The following ACSS3 variants were observed in gnomAD, a reference collection of about 807,000 sequenced individuals.
The protein encoded by ACSS3 is acyl-CoA synthetase short chain family member 3, also known as acyl-CoA synthetase short-chain family member 3, mitochondrial.
ACSS3 carries 64 observed loss-of-function variants against 84.2 expected under a neutral mutation model. That is an observed-to-expected ratio of 0.76 (90% CI 0.62 to 0.94). ACSS3 has a LOEUF of 0.94. Among genes scored for constraint, ACSS3 ranks in the 40% least tolerant of loss-of-function variants. The pLI, the probability that ACSS3 is intolerant of heterozygous loss-of-function variation, is 0.00. For missense variants in ACSS3, 815 were observed against 867.6 expected, an observed-to-expected ratio of 0.94 and a Z score of 0.76; for synonymous variants, 317 against 310.1, an observed-to-expected ratio of 1.02 and a Z score of -0.23.
At chr12:81,126,090 G>A (rs562350382) in intron 2 of ACSS3, among the ~76,000 whole-genome samples, 3 of 152,178 alleles carry the variant, frequency 2.0e-5, no homozygotes, top group Admixed American at 2.0e-4. Flanking sequence ...ACAAGACTCT[G>A]TATCATGTCT....
At chr12:81,154,212 A>G (rs1321718743) in intron 7 of ACSS3, among the ~76,000 whole-genome samples, 1 of 152,250 alleles carries the variant, frequency 6.6e-6, no homozygotes, top group Non-Finnish European at 1.5e-5. Flanking sequence ...GCTTACATAA[A>G]TATGACAAAG....
At chr12:81,241,726 C>G (rs920986073) in intron 13 of ACSS3, among the ~76,000 whole-genome samples, 1 of 151,878 alleles carries the variant, frequency 6.6e-6, no homozygotes, top group African/African-American at 2.4e-5. Flanking sequence ...ATTGTAGATT[C>G]TGGATATTAG....
At chr12:81,168,167 A>G (rs1887491046) in intron 7 of ACSS3, among the ~76,000 whole-genome samples, 1 of 152,202 alleles carries the variant, frequency 6.6e-6, no homozygotes. Context: ...ATAGAAGTGC[A>G]TTAAAAGGGT....
intron 1 of ACSS3, among the ~76,000 whole-genome samples, chr12:81,106,535 C>A (rs373921048): frequency 1.3e-5 from 2 of 152,142 alleles, no homozygotes; most frequent in African/African-American, 4.8e-5. Flanking sequence ...ACCCTTCCCC[C>A]ACCCCAGTTC....
intron 13 of ACSS3, among the ~76,000 whole-genome samples, chr12:81,246,902 T>A (rs1407805422): frequency 6.6e-6 from 1 of 152,178 alleles, no homozygotes; most frequent in Non-Finnish European, 1.5e-5. Context: ...TTTATTTCTA[T>A]AGCAAACGTG....
chr12:81,169,282 A>G (rs1441052319), intron 7 of ACSS3, among the ~76,000 whole-genome samples: 1 of 152,138 alleles, frequency 6.6e-6, no homozygotes, highest in African/African-American at 2.4e-5. Context: ...TTATAAGTAA[A>G]TTTTCAATTA....
chr12:81,220,691 A>G (rs1163653964), intron 11 of ACSS3, among the ~76,000 whole-genome samples: 4 of 152,040 alleles, frequency 2.6e-5, no homozygotes, highest in Non-Finnish European at 5.9e-5. Flanking sequence ...AACATGCAGT[A>G]TTTGATTTTC....
intron 2 of ACSS3, among the ~76,000 whole-genome samples, chr12:81,126,181 C>G (rs913604132): frequency 7.9e-5 from 12 of 152,164 alleles, no homozygotes; most frequent in Non-Finnish European, 1.5e-4. Context: ...ACTAAACTGC[C>G]TTCACTTTTT....
intron 9 of ACSS3, among the ~76,000 whole-genome samples, chr12:81,209,070 G>T (rs897204734): frequency 1.3e-5 from 2 of 151,802 alleles, no homozygotes; most frequent in African/African-American, 4.8e-5. Flanking sequence ...TTTCTCTCTG[G>T]TTCATTTTGG....
At chr12:81,106,475 A>C (rs1181941103) in intron 1 of ACSS3, among the ~76,000 whole-genome samples, 1 of 152,174 alleles carries the variant, frequency 6.6e-6, no homozygotes, top group Non-Finnish European at 1.5e-5. Flanking sequence ...AATAATAATA[A>C]AAATAAAGTG....
intron 1 of ACSS3, among the ~76,000 whole-genome samples, chr12:81,099,956 C>G (rs527836979): frequency 2.0e-5 from 3 of 152,242 alleles, no homozygotes; most frequent in African/African-American, 7.2e-5. Context: ...TATCCACACA[C>G]GTTCACTGAC....
chr12:81,148,778 G>A (rs944329742), intron 5 of ACSS3, among the ~76,000 whole-genome samples: 6 of 151,348 alleles, frequency 4.0e-5, no homozygotes, highest in African/African-American at 1.5e-4. Context: ...AGTACATAGA[G>A]AGGCCAGGCG....
rs966561771 is a variant in ACSS3, at chr12:81,215,937, G to T, written c.1355-964G>T. On this transcript the variant is annotated intron_variant, in intron 9 of 15. Transcript: ENST00000548058. ...ATCATTGCAGGCTAGTTGTGAGAAA[G>T]TTCGTGGTTTTGATGAAATAGTCAG... is the stretch of plus-strand genomic sequence containing the variant. 7.2e-5 allele frequency among the ~76,000 whole-genome samples: 11 copies of T among 152,100 alleles called. 1 individual carries two copies. Among genetic ancestry groups the T allele is most frequent in the Admixed American group, 6.5e-4 (10 of 15,276 alleles).
intron 13 of ACSS3, among the ~76,000 whole-genome samples, chr12:81,242,545 G>A (rs2033842718): frequency 2.0e-5 from 3 of 150,588 alleles, no homozygotes; most frequent in Non-Finnish European, 3.0e-5. Context: ...GCTGGGCAGA[G>A]ACACAACCAA....
chr12:81,247,353 G>C (rs1325508969), intron 13 of ACSS3, among the ~76,000 whole-genome samples: 1 of 152,126 alleles, frequency 6.6e-6, no homozygotes, highest in Admixed American at 6.5e-5. Context: ...AGAATGAAAA[G>C]AGGAGTATCA....
intron 2 of ACSS3, among the ~76,000 whole-genome samples, chr12:81,117,273 C>T (rs117013644): frequency 8.2e-4 from 124 of 152,104 alleles, no homozygotes; most frequent in East Asian, 2.5e-3. Context: ...GTTTCAGTAG[C>T]GCATAAAATA....
chr12:81,080,900 G>T (rs965569520), intron 1 of ACSS3, among the ~76,000 whole-genome samples: 2 of 152,194 alleles, frequency 1.3e-5, no homozygotes, highest in Non-Finnish European at 2.9e-5. Context: ...GCACAATTTG[G>T]TGTGAAGGAG....
intron 8 of ACSS3, among the ~76,000 whole-genome samples, chr12:81,186,514 GA>G (rs1490267066): frequency 1.3e-5 from 2 of 151,620 alleles, no homozygotes; most frequent in African/African-American, 4.8e-5. Context: ...TTCAATCGTG[GA>G]AAAACTAATA....
At chr12:81,208,819 C>T (rs1344226351) in intron 9 of ACSS3, among the ~76,000 whole-genome samples, 1 of 152,168 alleles carries the variant, frequency 6.6e-6, no homozygotes, top group African/African-American at 2.4e-5. Flanking sequence ...CGGAATAACT[C>T]ACAGTCCTTT....
Sources: allele counts gnomAD v4.1 joint callset (sites outside exome capture counted in the v4.1 genomes callset), GRCh38; gene constraint gnomAD v4.1.1; transcripts MANE v1.5; gene names NCBI Gene and HGNC (gene_info 2026-07-23, HGNC 2026-07-21).